ECT2: variants seen among roughly 807,000 people sequenced by gnomAD.
ECT2 encodes the protein protein ECT2.
ECT2 carries 61 observed loss-of-function variants against 116.9 expected under a neutral mutation model. The ratio of observed to expected loss-of-function variants is 0.52; its 90% CI spans 0.42 to 0.65. ECT2 has a LOEUF of 0.65. Ranked by LOEUF, ECT2 falls within the 30% of genes least tolerant of loss-of-function variation. The probability of loss-of-function intolerance (pLI) is 0.00; values close to 1 mark genes in which losing one functional copy is unlikely to be tolerated. For synonymous variants in ECT2, 358 were observed against 346.4 expected, an observed-to-expected ratio of 1.03 and a Z score of -0.37; for missense variants, 937 against 1,078.7, an observed-to-expected ratio of 0.87 and a Z score of 1.84.
At chr3:172,818,116 T>C (rs1730086101) in intron 24 of ECT2, among the ~76,000 whole-genome samples, 1 of 152,136 alleles carries the variant, frequency 6.6e-6, no homozygotes, top group South Asian at 2.1e-4. Flanking sequence ...GTAAGACACA[T>C]AAATAATACT....
At chr3:172,814,806 CT>C (rs1227862550) in intron 22 of ECT2, among the ~76,000 whole-genome samples, 1 of 152,088 alleles carries the variant, frequency 6.6e-6, no homozygotes, top group Admixed American at 6.6e-5. Context: ...TGGTGTGAAC[CT>C]TCAAAATCCA....
the ECT2 span, chr3:172,828,894 T>C: frequency 1.4e-6 from 2 of 1,418,240 alleles, no homozygotes; most frequent in Non-Finnish European, 1.9e-6. Flanking sequence ...TAGCCAATGA[T>C]CAAGCTGCCA....
intron 14 of ECT2, among the ~76,000 whole-genome samples, chr3:172,776,867 G>A (rs565266293): frequency 2.0e-5 from 3 of 149,746 alleles, no homozygotes; most frequent in African/African-American, 7.3e-5. Flanking sequence ...TGGAAAAAAC[G>A]GGTTTGTTTT....
At chr3:172,798,890 A>G (rs1004647050) in intron 18 of ECT2, among the ~76,000 whole-genome samples, 2 of 152,194 alleles carry the variant, frequency 1.3e-5, no homozygotes, top group African/African-American at 4.8e-5. Flanking sequence ...AATATGCATA[A>G]AATGCCTGAC....
intron 22 of ECT2, among the ~76,000 whole-genome samples, chr3:172,810,360 T>G (rs1728555088): frequency 6.6e-6 from 1 of 152,202 alleles, no homozygotes; most frequent in African/African-American, 2.4e-5. Context: ...AGTTGCAATC[T>G]TCATTCTGAG....
intron 7 of ECT2, among the ~76,000 whole-genome samples, chr3:172,761,238 C>T (rs1286688812): frequency 6.6e-6 from 1 of 152,024 alleles, no homozygotes; most frequent in Non-Finnish European, 1.5e-5. Context: ...TCAATTTACC[C>T]TAAATATTTC....
At chr3:172,803,890 G>T (rs982166188) in intron 20 of ECT2, among the ~76,000 whole-genome samples, 7 of 150,772 alleles carry the variant, frequency 4.6e-5, no homozygotes, top group African/African-American at 1.7e-4. Context: ...CTGCAGCCTT[G>T]ACTTCCTGGG....
In ECT2 at chr3:172,777,278, T is replaced by A. The variant is rs558867519; in HGVS notation, c.1548+3256T>A. On this transcript the variant is annotated intron_variant, in intron 14 of 24. Transcript: ENST00000392692. ...CTCATGAAGTTGGGCAAACTAATCTTAAGTTTTTTGTAGTGTTAAAACTTT... is the reference window on the plus strand; with the variant it reads ...CTCATGAAGTTGGGCAAACTAATCTAAAGTTTTTTGTAGTGTTAAAACTTT... Among the ~76,000 whole-genome samples, 714 of 152,340 alleles carry A rather than the reference T, an allele frequency of 4.7e-3. 5 individuals are homozygous for A. Among genetic ancestry groups the A allele is most frequent in the African/African-American group, 0.017 (691 of 41,578 alleles).
chr3:172,814,280 A>G (rs1248227971), intron 22 of ECT2, among the ~76,000 whole-genome samples: 1 of 152,104 alleles, frequency 6.6e-6, no homozygotes, highest in Non-Finnish European at 1.5e-5. Context: ...AAGAGGCTTA[A>G]CATTTCATTT....
intron 18 of ECT2, among the ~76,000 whole-genome samples, chr3:172,796,822 A>G (rs1559999682): frequency 6.6e-6 from 1 of 151,838 alleles, no homozygotes; most frequent in Non-Finnish European, 1.5e-5. Flanking sequence ...ACATGCCACC[A>G]CGCCCTGCTA....
intron 13 of ECT2, among the ~76,000 whole-genome samples, chr3:172,771,704 C>T (rs1334612376): frequency 6.6e-6 from 1 of 152,034 alleles, no homozygotes; most frequent in African/African-American, 2.4e-5. Context: ...AGGAGGAATT[C>T]AAGAGGGGAA....
chr3:172,824,831 G>T (rs1241652897), downstream of ECT2, among the ~76,000 whole-genome samples: 1 of 152,112 alleles, frequency 6.6e-6, no homozygotes, highest in Non-Finnish European at 1.5e-5. Context: ...CCACAATGAT[G>T]TTGCAAGTTT....
At position 172,805,851 on chromosome 3, in the gene ECT2, G is replaced by T; in HGVS notation, c.2227G>T (p.Asp743Tyr). The T allele has an allele frequency of 6.2e-7, 1 of 1,613,258 alleles. No homozygotes were observed. The highest frequency in any genetic ancestry group is 2.2e-5 in the East Asian group (1 of 44,824). The change falls in exon 21 of 25, where the codon GAC becomes TAC. Residue 743 changes from aspartate to tyrosine, a missense_variant. Asp to Tyr is a radical substitution (Grantham distance 160). Transcript: ENST00000392692. ...TCTTTCTCAGATTAAGAAGGTATTG[G>T]ACATAAGAGAGACAGAAGGTATGCC... The part of the protein sequence containing the change: ...MPLSQIKKVL[D>Y]IRETEDCHNA...
intron 18 of ECT2, among the ~76,000 whole-genome samples, chr3:172,789,692 C>A (rs1724294027): frequency 6.6e-6 from 1 of 152,178 alleles, no homozygotes; most frequent in Non-Finnish European, 1.5e-5. Context: ...TATTCTAAAT[C>A]CTTTCTTGTC....
At chr3:172,790,596 T>C (rs1228733209) in intron 18 of ECT2, among the ~76,000 whole-genome samples, 1 of 152,244 alleles carries the variant, frequency 6.6e-6, no homozygotes. Context: ...TTAGTGATTC[T>C]TGTGATTCTT....
At chr3:172,760,561 C>T (rs958232498) in intron 7 of ECT2, among the ~76,000 whole-genome samples, 2 of 151,618 alleles carry the variant, frequency 1.3e-5, no homozygotes, top group South Asian at 2.1e-4. Context: ...AGATTACATA[C>T]GTGAGCCACC....
chr3:172,823,233 A>G (rs1226087154), downstream of ECT2, among the ~76,000 whole-genome samples: 1 of 152,180 alleles, frequency 6.6e-6, no homozygotes. Flanking sequence ...ACAAAGTTAA[A>G]AACAGGTCAC....
intron 18 of ECT2, among the ~76,000 whole-genome samples, chr3:172,796,097 T>C (rs1725588722): frequency 6.6e-6 from 1 of 152,188 alleles, no homozygotes; most frequent in South Asian, 2.1e-4. Flanking sequence ...AGTTAAATAA[T>C]AATTTTAAAA....
intron 2 of ECT2, 34 bp from the exon 3 acceptor site, chr3:172,755,261 A>T (rs781716441): frequency 1.3e-6 from 2 of 1,519,174 alleles, no homozygotes; most frequent in African/African-American, 3.0e-5. Context: ...ATGTTAATAC[A>T]TGATAAACAT....
Sources: allele counts gnomAD v4.1 joint callset (sites outside exome capture counted in the v4.1 genomes callset), GRCh38; gene constraint gnomAD v4.1.1; transcripts MANE v1.5; gene names NCBI Gene and HGNC (gene_info 2026-07-23, HGNC 2026-07-21).